CACNB2: variants seen among roughly 807,000 people sequenced by gnomAD.
CACNB2 encodes the protein voltage-dependent L-type calcium channel subunit beta-2.
A neutral mutation model predicts 73.3 loss-of-function variants in CACNB2; 42 were observed. The ratio of observed to expected loss-of-function variants is 0.57; its 90% CI spans 0.45 to 0.74. The LOEUF (loss-of-function observed/expected upper bound fraction) is 0.74, where lower values mean the gene tolerates loss of function less well. CACNB2 is among the 30% of genes least tolerant of loss of function. The probability of loss-of-function intolerance (pLI) is 0.00; values close to 1 mark genes in which losing one functional copy is unlikely to be tolerated. For missense variants in CACNB2, 940 were observed against 853.0 expected (o/e 1.10, Z -1.27); for synonymous variants, 348 against 310.3 (o/e 1.12, Z -1.28).
At chr10:18,368,328 C>G (rs960667272) in intron 2 of CACNB2, among the ~76,000 whole-genome samples, 6 of 152,128 alleles carry the variant, frequency 3.9e-5, no homozygotes, top group Non-Finnish European at 5.9e-5. Context: ...AAAAAACTTT[C>G]AAAAGAGTAG....
chr10:18,262,632 G>A (rs1039219445), intron 2 of CACNB2, among the ~76,000 whole-genome samples: 79 of 152,152 alleles, frequency 5.2e-4, no homozygotes, highest in Non-Finnish European at 7.5e-4. Context: ...AAGATTAGCC[G>A]CCTAAAGAAA....
intron 2 of CACNB2, among the ~76,000 whole-genome samples, chr10:18,273,388 A>C (rs1474963898): frequency 6.7e-6 from 1 of 149,986 alleles, no homozygotes; most frequent in Non-Finnish European, 1.5e-5. Context: ...CAAAAACAAA[A>C]CAAAAAAAAA....
At chr10:18,534,487 C>T (rs998111573) in intron 11 of CACNB2, among the ~76,000 whole-genome samples, 3 of 152,140 alleles carry the variant, frequency 2.0e-5, no homozygotes, top group Non-Finnish European at 2.9e-5. Context: ...CATGATAATA[C>T]TAAGACATTA....
intron 2 of CACNB2, chr10:18,261,394 T>C: frequency 6.5e-7 from 1 of 1,548,866 alleles, no homozygotes; most frequent in Non-Finnish European, 8.7e-7. Flanking sequence ...TGTTGCCTCT[T>C]TCAGCTGTTT....
chr10:18,150,880 T>TC lies in CACNB2; in HGVS notation c.121-3_121-2insC. 7.7e-7 allele frequency: 1 copy of TC among 1,300,364 alleles called. No homozygotes were observed. The highest frequency in any genetic ancestry group is 1.1e-6 in the Non-Finnish European group (1 of 943,296). The allele number at this position is 1,300,364 out of a possible 1,614,324, so 80.6% of individuals were successfully genotyped here. A position where few individuals can be genotyped will look rare whatever the true frequency, so the allele number is the denominator to read the frequency against. On this transcript the variant is annotated splice_polypyrimidine_tract_variant and splice_region_variant and intron_variant, in intron 1 of 13. Transcript: ENST00000324631. Reference sequence around the variant, plus strand: ...CTTTTTTTTTTTTTTTTTTTTTTTTTAGTCATATGGAAAAGGAGCCAGAAG... The same window carrying TC: ...CTTTTTTTTTTTTTTTTTTTTTTTTTCAGTCATATGGAAAAGGAGCCAGAAG...
intron 3 of CACNB2, among the ~76,000 whole-genome samples, chr10:18,402,774 T>A (rs1300595708): frequency 1.3e-5 from 2 of 152,224 alleles, no homozygotes; most frequent in African/African-American, 4.8e-5. Flanking sequence ...GAGTTGAAGG[T>A]GGCTTGGTTT....
chr10:18,443,714 A>AC (rs922015767), intron 3 of CACNB2, among the ~76,000 whole-genome samples: 27 of 112,484 alleles, frequency 2.4e-4, no homozygotes, highest in Middle Eastern at 5.0e-3. Flanking sequence ...ATTCCTACAT[A>AC]CCTTTTTTTT....
chr10:18,228,820 G>A (rs2482110), intron 2 of CACNB2, among the ~76,000 whole-genome samples: 86,260 of 151,928 alleles, frequency 0.57, 25,805 homozygotes, highest in Admixed American at 0.67. Flanking sequence ...GCTCGCTGCA[G>A]CCTCTGCCTC....
At chr10:18,522,109 G>A (rs2051951327) in intron 9 of CACNB2, among the ~76,000 whole-genome samples, 1 of 152,004 alleles carries the variant, frequency 6.6e-6, no homozygotes, top group Admixed American at 6.6e-5. Flanking sequence ...CTGCATGCGA[G>A]GGATCTAGGT....
Position 18,518,910 on chromosome 10 carries a change from G to A in CACNB2, c.886G>A (p.Val296Ile), listed in dbSNP as rs2051550954. 6.2e-7 allele frequency: 1 copy of A among 1,613,292 alleles called. No homozygotes were observed. The highest frequency in any genetic ancestry group is 1.1e-5 in the South Asian group (1 of 91,068). ...TAATTTATTGCTTGCTCAATTGCAG[G>A]TCACAGATATGATGCAAAAAGCGCT... ...LVGPSLKGYEVTDMMQKALFD... is the reference protein window; with the variant it reads ...LVGPSLKGYEITDMMQKALFD... The change falls in exon 9 of 14, where the codon GTC becomes ATC. Residue 296 changes from valine (V) to isoleucine (I), a missense_variant and splice_region_variant. Val to Ile is a conservative substitution (Grantham distance 29). Transcript: ENST00000324631.
intron 3 of CACNB2, among the ~76,000 whole-genome samples, chr10:18,439,030 C>A (rs12258967): frequency 6.6e-6 from 1 of 152,118 alleles, no homozygotes; most frequent in African/African-American, 2.4e-5. Flanking sequence ...CTACCCTCTT[C>A]GGTGTAGTAT....
intron 4 of CACNB2, 70 bp from the exon 5 acceptor site, chr10:18,500,742 A>C: frequency 6.7e-7 from 1 of 1,484,428 alleles, no homozygotes; most frequent in Non-Finnish European, 9.4e-7. Flanking sequence ...TCTCGACTGA[A>C]AATAGTGTGG....
chr10:18,212,378 A>G (rs541894151), intron 2 of CACNB2, among the ~76,000 whole-genome samples: 28 of 151,918 alleles, frequency 1.8e-4, no homozygotes, highest in Admixed American at 3.9e-4. Context: ...TTTGCTTTTT[A>G]TATTGATTTG....
intron 2 of CACNB2, among the ~76,000 whole-genome samples, chr10:18,170,070 C>G (rs892899635): frequency 2.0e-5 from 3 of 152,194 alleles, no homozygotes; most frequent in Admixed American, 6.5e-5. Flanking sequence ...CTCATTGGCT[C>G]TGGTTGGATG....
intron 2 of CACNB2, among the ~76,000 whole-genome samples, chr10:18,216,490 A>G (rs1226828214): frequency 6.6e-6 from 1 of 152,200 alleles, no homozygotes; most frequent in African/African-American, 2.4e-5. Flanking sequence ...CCACGTAAGC[A>G]TGTACAACAG....
At position 18,479,532 on chromosome 10, in the gene CACNB2, CTG is replaced by C. The variant is rs1357375690; in HGVS notation, c.334-18819_334-18818del. Among the ~76,000 whole-genome samples, 3 of 152,246 alleles carry C rather than the reference CTG, an allele frequency of 2.0e-5. No homozygotes were observed. The East Asian group carries it at 5.8e-4, about 29-fold the overall frequency. On this transcript the variant is annotated intron_variant, in intron 3 of 13. Transcript: ENST00000324631. ...AGATAGTACATGATATGGTTTGGCT[CTG>C]TGTCCCCACCCAAATCTCACATTGA...
Position 18,538,196 on chromosome 10 carries a change from T to A in CACNB2, c.1319T>A (p.Ile440Asn). The A allele has an allele frequency of 6.2e-7, 1 of 1,614,048 alleles. No individual in the cohort carries two copies. The highest frequency in any genetic ancestry group is 8.5e-7 in the Non-Finnish European group (1 of 1,180,008). The stretch of plus-strand genomic sequence containing the variant: ...CCTCTGCAGGAGCTGTTCGATGTGA[T>A]CTTGGATGAGAACCAGCTTGAGGAT... ...AQCPPELFDV[I>N]LDENQLEDAC... The change falls in exon 13 of 14, where the codon ATC (isoleucine) becomes AAC (asparagine). Residue 440 changes from isoleucine to asparagine, a missense_variant. Ile to Asn is a moderately radical substitution (Grantham distance 149). Transcript: ENST00000324631.
At position 18,483,656 on chromosome 10, in the gene CACNB2, C is replaced by T. The variant is rs892627927; in HGVS notation, c.334-14699C>T. ...ACCTCTGTGAACTTAGCTAAAACCG[C>T]AGCTGTTGCAGTGGAGAAGAAAGTG... On this transcript the variant is annotated intron_variant, in intron 3 of 13. Transcript: ENST00000324631. Among the ~76,000 whole-genome samples, 8 of 152,096 alleles carry T rather than the reference C, an allele frequency of 5.3e-5. No individual in the cohort carries two copies. The East Asian group carries it at 1.3e-3, about 26-fold the overall frequency.
chr10:18,342,149 T>C (rs1008412464), intron 2 of CACNB2, among the ~76,000 whole-genome samples: 1 of 152,228 alleles, frequency 6.6e-6, no homozygotes, highest in Non-Finnish European at 1.5e-5. Flanking sequence ...TTAAGAATAT[T>C]ATCAAACATG....
Sources: allele counts gnomAD v4.1 joint callset (sites outside exome capture counted in the v4.1 genomes callset), GRCh38; gene constraint gnomAD v4.1.1; transcripts MANE v1.5; gene names NCBI Gene and HGNC (gene_info 2026-07-23, HGNC 2026-07-21).